The following IQCH variants were observed in gnomAD, a reference collection of about 807,000 sequenced individuals.
IQCH encodes IQ domain-containing protein H.
Under a neutral mutation model 117.0 loss-of-function variants are expected in IQCH, and 98 were observed. The ratio of observed to expected loss-of-function variants is 0.84; its 90% CI spans 0.71 to 0.99. IQCH has a LOEUF of 0.99. Ranked by LOEUF, IQCH falls within the 50% of genes least tolerant of loss-of-function variation. IQCH has a pLI of 0.00. For missense variants in IQCH, 1,102 were observed against 1,243.8 expected, an observed-to-expected ratio of 0.89 and a Z score of 1.72; for synonymous variants, 412 against 448.2, an observed-to-expected ratio of 0.92 and a Z score of 1.02.
intron 14 of IQCH, among the ~76,000 whole-genome samples, chr15:67,409,031 T>G (rs1166039105): frequency 6.6e-6 from 1 of 152,188 alleles, no homozygotes; most frequent in Non-Finnish European, 1.5e-5. Context: ...TTAATATCAT[T>G]CCCCAAACAT....
rs1013063819 is a variant in IQCH at position 67,458,865 on chromosome 15, TC to T, written c.2506-6261del. Among the ~76,000 whole-genome samples, 3 of 152,238 alleles carry T rather than the reference TC, an allele frequency of 2.0e-5. No homozygotes were observed. Among genetic ancestry groups the T allele is most frequent in the Admixed American group, 2.0e-4 (3 of 15,278 alleles). On this transcript the variant is annotated intron_variant, in intron 16 of 20. Coordinates refer to ENST00000335894, the MANE Select transcript of IQCH (RefSeq NM_001031715.3). The surrounding 1 kb of genome is among the most constrained non-coding windows in gnomAD (Gnocchi z 4.1). Reference sequence around the variant, plus strand: ...AGCATGATGGGCCGTGTATCACAGTTCACCCTGAAGGCTGGATGCCATTTCT... The same window carrying T: ...AGCATGATGGGCCGTGTATCACAGTTACCCTGAAGGCTGGATGCCATTTCT...
intron 16 of IQCH, among the ~76,000 whole-genome samples, chr15:67,440,308 A>C (rs997857981): frequency 6.6e-5 from 10 of 152,242 alleles, no homozygotes; most frequent in Admixed American, 3.3e-4. Context: ...AATTGGTACC[A>C]ATCCTTTTGA....
chr15:67,304,049 T>A (rs1005051834), intron 4 of IQCH, among the ~76,000 whole-genome samples: 5 of 152,146 alleles, frequency 3.3e-5, no homozygotes, highest in African/African-American at 1.2e-4. Flanking sequence ...TTCTATCTAG[T>A]CCTTTGCCCA....
rs910214308 is a variant in IQCH, at chr15:67,465,274, T to C, written c.2653T>C (p.Cys885Arg). 1 of 1,613,700 alleles carries C rather than the reference T, an allele frequency of 6.2e-7. No homozygotes were observed. Among genetic ancestry groups the C allele is most frequent in the Non-Finnish European group, 8.5e-7 (1 of 1,179,968 alleles). The change falls in exon 17 of 21, where the codon TGC (cysteine) becomes CGC (arginine). Residue 885 changes from cysteine (C) to arginine (R), a missense_variant. By Grantham distance (180) the Cys-to-Arg change is radical. This residue lies in a region of IQCH where 650 missense variants were observed against 794.3 expected (regional missense o/e 0.82). Transcript: ENST00000335894. This position sits in a 1 kb window ranked among gnomAD's most constrained non-coding sequence, Gnocchi z 5.9. ...TCCAAAGGAAAGGAAGAAAACCAAA[T>C]GCATGAGTGCGCTGTCAATGCCGGT... The part of the protein sequence containing the change: ...FVPKERKKTK[C>R]MSALSMPMLA...
chr15:67,295,051 T>C (rs1167708602), intron 4 of IQCH, among the ~76,000 whole-genome samples: 1 of 152,222 alleles, frequency 6.6e-6, no homozygotes, highest in Non-Finnish European at 1.5e-5. Context: ...ATCACTTTTC[T>C]GTAGCAAAAT....
chr15:67,367,919 A>T (rs1567131970), intron 8 of IQCH, among the ~76,000 whole-genome samples: 1 of 152,216 alleles, frequency 6.6e-6, no homozygotes, highest in East Asian at 1.9e-4. Flanking sequence ...AATTAAGAAG[A>T]TCTGCCAACT....
intron 4 of IQCH, chr15:67,307,165 G>GAATTCTGGTAT: frequency 9.9e-7 from 1 of 1,005,674 alleles, no homozygotes; most frequent in Non-Finnish European, 1.2e-6. Flanking sequence ...AGTTGCTGTA[G>GAATTCTGGTAT]AATTATACCA....
rs3743350 is a variant in IQCH at position 67,384,901 on chromosome 15, T to C, written c.1373-35T>C. 4,191 of 1,329,916 alleles carry C rather than the reference T, an allele frequency of 3.2e-3. 173 individuals are homozygous for C. The East Asian group carries it at 0.087, about 28-fold the overall frequency. 82.4% of individuals were successfully genotyped at this position (1,329,916 alleles called of 1,614,324 possible). Reference sequence around the variant, plus strand: ...GTGCCATTTTGCTATATCGACTTGCTCTTTCTGTGTTTTGACACCTTGTTT... The same window carrying C: ...GTGCCATTTTGCTATATCGACTTGCCCTTTCTGTGTTTTGACACCTTGTTT... On this transcript the variant is annotated intron_variant, in intron 10 of 20. Coordinates refer to ENST00000335894, the MANE Select transcript of IQCH (RefSeq NM_001031715.3). The surrounding 1 kb of genome is among the most constrained non-coding windows in gnomAD (Gnocchi z 4.3).
rs1436708617 is a variant in IQCH at position 67,466,003 on chromosome 15, CCT to C, written c.2676+707_2676+708del. On this transcript the variant is annotated intron_variant, in intron 17 of 20. Coordinates refer to ENST00000335894, the MANE Select transcript of IQCH (RefSeq NM_001031715.3). The surrounding 1 kb of genome is among the most constrained non-coding windows in gnomAD (Gnocchi z 4.4). ...AAAGCCAGTCTGAGCATGTTGTTCCCCTGTGTGTGATTTTGAATGGACTCCTG... is the reference window on the plus strand; with the variant it reads ...AAAGCCAGTCTGAGCATGTTGTTCCCGTGTGTGATTTTGAATGGACTCCTG... Among the ~76,000 whole-genome samples the C allele has an allele frequency of 1.3e-5, 2 of 152,178 alleles. No homozygotes were observed. Among genetic ancestry groups the C allele is most frequent in the Non-Finnish European group, 2.9e-5 (2 of 68,040 alleles).
chr15:67,391,179 T>C lies in IQCH; in HGVS notation c.1632+2173T>C, dbSNP rs1372552937. Among the ~76,000 whole-genome samples the C allele has an allele frequency of 1.3e-5, 2 of 152,242 alleles. No individual in the cohort carries two copies. The highest frequency in any genetic ancestry group is 4.8e-5 in the African/African-American group (2 of 41,472). ...CAGGCACTCACAGATGCACATAGTA[T>C]AGGTTTACATCTTTGTGAGTAGAAA... On this transcript the variant is annotated intron_variant, in intron 12 of 20. Coordinates refer to ENST00000335894, the MANE Select transcript of IQCH (RefSeq NM_001031715.3). This position sits in a 1 kb window ranked among gnomAD's most constrained non-coding sequence, Gnocchi z 4.3.
At position 67,255,018 on chromosome 15, in the gene IQCH, A is replaced by T; in HGVS notation, c.51+71A>T. 2.1e-6 allele frequency: 3 copies of T among 1,441,672 alleles called. No homozygotes were observed. In the South Asian group the frequency reaches 3.5e-5, roughly 17 times the overall value. The allele number at this position is 1,441,672 out of a possible 1,614,324, so 89.3% of individuals were successfully genotyped here. ...CTTCCGAGCGAGGTCCCGCGCGCCG[A>T]TTCACCGACGCTCACCCATTTGGTG... On this transcript the variant is annotated intron_variant, in intron 1 of 20. Transcript: ENST00000335894.
chr15:67,492,531 C>T (rs933679703), intron 19 of IQCH, among the ~76,000 whole-genome samples: 3 of 152,134 alleles, frequency 2.0e-5, no homozygotes, highest in East Asian at 1.9e-4. Flanking sequence ...AAGTTCCAAC[C>T]GCAAAGAGTA....
chr15:67,455,403 A>G (rs927675267), intron 16 of IQCH, among the ~76,000 whole-genome samples: 1 of 152,190 alleles, frequency 6.6e-6, no homozygotes, highest in Non-Finnish European at 1.5e-5. Flanking sequence ...CTGGGGTTTG[A>G]GGGGACTGGA....
At chr15:67,328,494 A>G (rs1968513862) in intron 4 of IQCH, among the ~76,000 whole-genome samples, 1 of 152,174 alleles carries the variant, frequency 6.6e-6, no homozygotes, top group Non-Finnish European at 1.5e-5. Context: ...AAAAAGAAAA[A>G]CTATAGAAAA....
chr15:67,265,980 G>C (rs943420683), intron 3 of IQCH, among the ~76,000 whole-genome samples: 1 of 152,172 alleles, frequency 6.6e-6, no homozygotes, highest in Non-Finnish European at 1.5e-5. Context: ...TCACTGAAGA[G>C]TGGGCTGCTT....
chr15:67,291,453 A>C (rs978986673), intron 4 of IQCH, among the ~76,000 whole-genome samples: 9 of 152,198 alleles, frequency 5.9e-5, no homozygotes, highest in African/African-American at 2.2e-4. Flanking sequence ...CAAGTTCCTT[A>C]AAATTGATGC....
At chr15:67,262,236 A>G (rs1003434604) in intron 2 of IQCH, among the ~76,000 whole-genome samples, 1 of 152,192 alleles carries the variant, frequency 6.6e-6, no homozygotes, top group African/African-American at 2.4e-5. Flanking sequence ...GTAAATAGGA[A>G]CTTCATCATT....
rs1970313253 is a variant in IQCH, at chr15:67,365,840, G to C, written c.753+5955G>C. Reference sequence around the variant, plus strand: ...GGCTGCTCAGGAAGCTGAGGCAGGAGAATCACTTGAACCTGGGAGGTGGAG... The same window carrying C: ...GGCTGCTCAGGAAGCTGAGGCAGGACAATCACTTGAACCTGGGAGGTGGAG... On this transcript the variant is annotated intron_variant, in intron 8 of 20. Transcript: ENST00000335894. This position sits in a 1 kb window ranked among gnomAD's most constrained non-coding sequence, Gnocchi z 4.4. Among the ~76,000 whole-genome samples the C allele has an allele frequency of 6.6e-6, 1 of 152,160 alleles. No homozygotes were observed. The highest frequency in any genetic ancestry group is 1.5e-5 in the Non-Finnish European group (1 of 68,034).
intron 3 of IQCH, among the ~76,000 whole-genome samples, chr15:67,269,546 A>G (rs1296548997): frequency 6.6e-6 from 1 of 152,190 alleles, no homozygotes; most frequent in Non-Finnish European, 1.5e-5. Context: ...AGTGTTAACT[A>G]TAGTCACCCT....
Sources: allele counts gnomAD v4.1 joint callset (sites outside exome capture counted in the v4.1 genomes callset), GRCh38; gene constraint gnomAD v4.1.1; regional missense constraint gnomAD v4.1.1; non-coding constraint Gnocchi (gnomAD v3.1); transcripts MANE v1.5; gene names NCBI Gene and HGNC (gene_info 2026-07-23, HGNC 2026-07-21).